The following ABL2 variants were observed in gnomAD, a reference collection of about 807,000 sequenced individuals.
ABL2 encodes the protein tyrosine-protein kinase ABL2.
Under a neutral mutation model 107.7 loss-of-function variants are expected in ABL2, and 49 were observed. The ratio of observed to expected loss-of-function variants is 0.45; its 90% CI spans 0.36 to 0.58. The LOEUF is 0.58. Among genes scored for constraint, ABL2 ranks in the 20% least tolerant of loss-of-function variants. The pLI is 0.00. For synonymous variants in ABL2, 549 were observed against 548.6 expected (o/e 1.00, Z -0.01); for missense variants, 1,245 against 1,457.0 (o/e 0.85, Z 2.37).
At chr1:179,160,462 CAAATAT>C (rs1304711875) in intron 1 of ABL2, among the ~76,000 whole-genome samples, 1 of 151,966 alleles carries the variant, frequency 6.6e-6, no homozygotes, top group Non-Finnish European at 1.5e-5. Flanking sequence ...ACTTTTGGAA[CAAATAT>C]AAATATATAA....
intron 10 of ABL2, among the ~76,000 whole-genome samples, chr1:179,111,234 A>C (rs1572611184): frequency 6.8e-6 from 1 of 147,246 alleles, no homozygotes; most frequent in East Asian, 2.0e-4. Context: ...CACCCGCCTC[A>C]GCCTCCCAAA....
intron 11 of ABL2, among the ~76,000 whole-genome samples, 198 bp from the exon 12 acceptor site, chr1:179,109,639 A>C (rs1653843050): frequency 6.6e-6 from 1 of 151,934 alleles, no homozygotes; most frequent in Admixed American, 6.6e-5. Context: ...AAATGGGGGA[A>C]GATAGGGGGC....
intron 1 of ABL2, chr1:179,221,817 A>T (rs950237998): frequency 4.2e-6 from 1 of 238,698 alleles, no homozygotes; most frequent in Non-Finnish European, 8.9e-6. Flanking sequence ...AACGTATTTC[A>T]TACCAGGAGT....
At chr1:179,224,759 T>TA (rs1663097659) in intron 1 of ABL2, among the ~76,000 whole-genome samples, 1 of 148,162 alleles carries the variant, frequency 6.7e-6, no homozygotes, top group Non-Finnish European at 1.5e-5. Flanking sequence ...CTCACGCCTA[T>TA]AATCCCAGCA....
intron 1 of ABL2, among the ~76,000 whole-genome samples, chr1:179,228,063 A>G (rs1264932008): frequency 1.3e-5 from 2 of 151,124 alleles, no homozygotes; most frequent in East Asian, 3.9e-4. Context: ...AAAAAAAAAA[A>G]AAAAAAAAAG....
chr1:179,184,641 T>A (rs977834304), intron 1 of ABL2: 19 of 474,518 alleles, frequency 4.0e-5, no homozygotes, highest in Admixed American at 1.2e-4. Context: ...AGGAAGAAGA[T>A]GATGATGATG....
At chr1:179,145,151 C>T (rs1380756199) in intron 1 of ABL2, among the ~76,000 whole-genome samples, 2 of 152,092 alleles carry the variant, frequency 1.3e-5, no homozygotes, top group Non-Finnish European at 2.9e-5. Flanking sequence ...AAGCCAGACA[C>T]ATCAAGGCAA....
chr1:179,224,547 G>T (rs1328396143), intron 1 of ABL2, among the ~76,000 whole-genome samples: 1 of 152,058 alleles, frequency 6.6e-6, no homozygotes, highest in Admixed American at 6.6e-5. Context: ...GGGATTATAG[G>T]TGTGAGCCAC....
chr1:179,155,898 C>CA (rs1215589020), intron 1 of ABL2, among the ~76,000 whole-genome samples: 1 of 151,946 alleles, frequency 6.6e-6, no homozygotes, highest in Non-Finnish European at 1.5e-5. Flanking sequence ...GGTTTTTCCT[C>CA]AAAAAAAGGA....
Position 179,229,631 on chromosome 1 carries a change from A to ACCGCCGCCG in ABL2, c.-235_-234insCGGCGGCGG, listed in dbSNP as rs1558014252. ...CCTCCTGTCGCGGCTCCGCGCCCCC[A>ACCGCCGCCG]ACGCCGCCGCCGCCGCCGCCGCCAC... is the stretch of plus-strand genomic sequence containing the variant. On this transcript the variant is annotated 5_prime_UTR_variant, in exon 1 of 12. Transcript: ENST00000502732. 2.0e-5 allele frequency: 8 copies of ACCGCCGCCG among 394,244 alleles called. No homozygotes were observed. Among genetic ancestry groups the ACCGCCGCCG allele is most frequent in the South Asian group, 3.5e-5 (1 of 28,254 alleles). 24.4% of individuals were successfully genotyped at this position (394,244 alleles called of 1,614,324 possible). A position where few individuals can be genotyped will look rare whatever the true frequency, so the allele number is the denominator to read the frequency against.
intron 1 of ABL2, among the ~76,000 whole-genome samples, chr1:179,188,171 G>C (rs768403664): frequency 6.6e-5 from 10 of 152,142 alleles, no homozygotes; most frequent in Non-Finnish European, 1.0e-4. Context: ...TATCTCAAAA[G>C]CCAAAAGTTT....
At chr1:179,225,584 A>T (rs901665098) in intron 1 of ABL2, among the ~76,000 whole-genome samples, 1 of 152,190 alleles carries the variant, frequency 6.6e-6, no homozygotes, top group African/African-American at 2.4e-5. Context: ...GAGATTTAAC[A>T]ATGTCTGGAG....
At chr1:179,214,463 A>T (rs965384620) in intron 1 of ABL2, among the ~76,000 whole-genome samples, 33 of 149,260 alleles carry the variant, frequency 2.2e-4, no homozygotes, top group Non-Finnish European at 4.9e-4. Context: ...TTAAAATAGT[A>T]TATTAACAAT....
chr1:179,200,646 G>T (rs948789145), intron 1 of ABL2, among the ~76,000 whole-genome samples: 1 of 152,108 alleles, frequency 6.6e-6, no homozygotes, highest in Non-Finnish European at 1.5e-5. Flanking sequence ...TATGAACATG[G>T]AGATTCCAAT....
chr1:179,174,914 TAAAA>T lies in ABL2; in HGVS notation c.158-41544_158-41541del, dbSNP rs200287014. 2.2e-3 allele frequency among the ~76,000 whole-genome samples: 239 copies of T among 110,860 alleles called. 14 individuals are homozygous for T. In the East Asian group the frequency reaches 0.041, roughly 19 times the overall value. 72.7% of individuals were successfully genotyped at this position (110,860 alleles called of 152,430 possible). A position where few individuals can be genotyped will look rare whatever the true frequency, so the allele number is the denominator to read the frequency against. On this transcript the variant is annotated intron_variant, in intron 1 of 11. Transcript: ENST00000502732. ...CTGTCTCAAAAAAAAAAAAATAAAA[TAAAA>T]AAAATAATAATAATAATAATAATAA...
Position 179,100,975 on chromosome 1 carries a change from G to A in ABL2, c.*6743C>T, listed in dbSNP as rs1435624913. ...TAAGTGCACTTGGAGGGAAGGGTCC[G>A]GCGAGACCTCGCCAGGTGGGCTTGA... On this transcript the variant is annotated 3_prime_UTR_variant, in exon 12 of 12. Coordinates refer to ENST00000502732, the MANE Select transcript of ABL2 (RefSeq NM_007314.4). 1.7e-5 allele frequency: 4 copies of A among 232,724 alleles called. No individual in the cohort carries two copies. The highest frequency in any genetic ancestry group is 2.5e-5 in the Non-Finnish European group (3 of 117,766). 14.4% of individuals were successfully genotyped at this position (232,724 alleles called of 1,614,324 possible).
At chr1:179,217,634 A>G (rs1420092909) in intron 1 of ABL2, among the ~76,000 whole-genome samples, 1 of 151,992 alleles carries the variant, frequency 6.6e-6, no homozygotes, top group Non-Finnish European at 1.5e-5. Flanking sequence ...TCAAAAAAAA[A>G]AAAAAAGAAA....
In ABL2 at chr1:179,102,670, A is replaced by G. The variant is rs895623196; in HGVS notation, c.*5048T>C. ...ATATAGATAACCCTGTCAACCCAAT[A>G]TGAACTCCTGGTAGGGGCACAGCCT... On this transcript the variant is annotated 3_prime_UTR_variant, in exon 12 of 12. Coordinates refer to ENST00000502732, the MANE Select transcript of ABL2 (RefSeq NM_007314.4). 5.7e-5 allele frequency: 13 copies of G among 229,690 alleles called. No homozygotes were observed. The highest frequency in any genetic ancestry group is 8.6e-6 in the Non-Finnish European group (1 of 115,956). The allele number at this position is 229,690 out of a possible 1,614,324, so 14.2% of individuals were successfully genotyped here. A position where few individuals can be genotyped will look rare whatever the true frequency, so the allele number is the denominator to read the frequency against.
intron 1 of ABL2, among the ~76,000 whole-genome samples, chr1:179,161,789 T>C (rs1045482230): frequency 1.3e-5 from 2 of 152,166 alleles, no homozygotes; most frequent in African/African-American, 4.8e-5. Flanking sequence ...CCCCCAAAGT[T>C]TGTATGTTAG....
Sources: gnomAD v4.1 joint callset for allele counts (sites outside exome capture counted in the v4.1 genomes callset) on GRCh38, gnomAD v4.1.1 for gene constraint, MANE v1.5 for transcripts, NCBI Gene and HGNC (gene_info 2026-07-23, HGNC 2026-07-21) for gene names.